U2SURP: variants seen among roughly 807,000 people sequenced by gnomAD.
The protein encoded by U2SURP is U2 snRNP-associated SURP motif-containing protein.
U2SURP carries 9 observed loss-of-function variants against 144.9 expected under a neutral mutation model. That is an observed-to-expected ratio of 0.06 (90% CI 0.04 to 0.11). The LOEUF is 0.11. Among genes scored for constraint, U2SURP ranks in the 10% least tolerant of loss-of-function variants. U2SURP has a pLI of 1.00. For synonymous variants in U2SURP, 408 were observed against 396.8 expected (o/e 1.03, Z -0.33); for missense variants, 724 against 1,226.7 (o/e 0.59, Z 6.12).
chr3:143,022,721 T>C (rs2108284673), intron 11 of U2SURP, 59 bp downstream of exon 11: 2 of 1,519,376 alleles, frequency 1.3e-6, no homozygotes, highest in Non-Finnish European at 1.8e-6. Flanking sequence ...TTTGGAAAAG[T>C]ATTTATAAAA....
At chr3:143,021,665 G>T in intron 10 of U2SURP, 110 bp downstream of exon 10, 1 of 1,088,570 alleles carries the variant, frequency 9.2e-7, no homozygotes, top group South Asian at 1.5e-5. Flanking sequence ...GATGGAATTG[G>T]ATAGTCTTTA....
chr3:143,057,239 A>G lies in U2SURP; in HGVS notation c.*789A>G, dbSNP rs983857897. 2.0e-5 allele frequency: 3 copies of G among 152,522 alleles called. No homozygotes were observed. The highest frequency in any genetic ancestry group is 3.9e-4 in the East Asian group (2 of 5,184). 9.4% of individuals were successfully genotyped at this position (152,522 alleles called of 1,614,324 possible). A position where few individuals can be genotyped will look rare whatever the true frequency, so the allele number is the denominator to read the frequency against. ...TAAATATCTTTTCATTTCCTCTTCTATTATGAAAGAAGTTTATTTGTAAAA... is the reference window on the plus strand; with the variant it reads ...TAAATATCTTTTCATTTCCTCTTCTGTTATGAAAGAAGTTTATTTGTAAAA... On this transcript the variant is annotated 3_prime_UTR_variant, in exon 28 of 28. Transcript: ENST00000473835.
intron 4 of U2SURP, among the ~76,000 whole-genome samples, chr3:143,015,319 A>AT (rs1022230741): frequency 1.3e-5 from 2 of 151,754 alleles, no homozygotes; most frequent in Admixed American, 6.6e-5. Context: ...ACAAGGTACA[A>AT]TTTTTTTTCT....
At chr3:143,008,760 G>GT (rs1018642186) in intron 1 of U2SURP, among the ~76,000 whole-genome samples, 3 of 152,078 alleles carry the variant, frequency 2.0e-5, no homozygotes, top group African/African-American at 4.8e-5. Context: ...AGGCAATTGA[G>GT]TTTTTTTTGT....
chr3:143,039,014 T>A, intron 23 of U2SURP, 54 bp downstream of exon 23: 1 of 1,202,952 alleles, frequency 8.3e-7, no homozygotes. Flanking sequence ...ACTCCCCTTT[T>A]CATTAAGAGA....
Position 143,038,218 on chromosome 3 carries a change from A to AAT in U2SURP, c.2317+17_2317+18dup. On this transcript the variant is annotated intron_variant, in intron 22 of 27. Coordinates refer to ENST00000473835, the MANE Select transcript of U2SURP (RefSeq NM_001080415.2). ...GGAAGCACAGGGTGAGTAAAAGTAA[A>AAT]ATAAATATTTTTTAAATTAAGTACT... 1 of 1,556,426 alleles carries AAT rather than the reference A, an allele frequency of 6.4e-7. No homozygotes were observed. Among genetic ancestry groups the AAT allele is most frequent in the Non-Finnish European group, 8.7e-7 (1 of 1,150,720 alleles).
intron 23 of U2SURP, among the ~76,000 whole-genome samples, chr3:143,039,559 A>T (rs1423651967): frequency 6.7e-6 from 1 of 150,278 alleles, no homozygotes; most frequent in Non-Finnish European, 1.5e-5. Flanking sequence ...GTTTTTAGGA[A>T]GTTCTTGACA....
Position 143,027,066 on chromosome 3 carries a change from A to G in U2SURP, c.1275-83A>G, listed in dbSNP as rs1032634036. The G allele has an allele frequency of 3.3e-5, 35 of 1,062,192 alleles. No homozygotes were observed. The South Asian group carries it at 4.8e-4, about 15-fold the overall frequency. 65.8% of individuals were successfully genotyped at this position (1,062,192 alleles called of 1,614,324 possible). A position where few individuals can be genotyped will look rare whatever the true frequency, so the allele number is the denominator to read the frequency against. The stretch of plus-strand genomic sequence containing the variant: ...AGTCAGCAGAATAATCATTTTCTGC[A>G]CAATTATAGTAACTTAGGTCAAGTG... On this transcript the variant is annotated intron_variant, in intron 13 of 27. Coordinates refer to ENST00000473835, the MANE Select transcript of U2SURP (RefSeq NM_001080415.2).
intron 20 of U2SURP, 39 bp from the exon 21 acceptor site, chr3:143,037,140 A>T (rs754866873): frequency 5.5e-5 from 87 of 1,584,602 alleles, no homozygotes; most frequent in Non-Finnish European, 6.0e-6. Flanking sequence ...TGACTTCAGC[A>T]AGCAAAGGAA....
chr3:143,044,356 A>G (rs1934300009), intron 24 of U2SURP, among the ~76,000 whole-genome samples: 2 of 130,404 alleles, frequency 1.5e-5, no homozygotes, highest in Non-Finnish European at 1.5e-5. Context: ...TGGTGTGACC[A>G]TAGCTCACTG....
Position 143,043,717 on chromosome 3 carries a change from G to GTATA in U2SURP, c.2544+457_2544+460dup, listed in dbSNP as rs5853088. On this transcript the variant is annotated intron_variant, in intron 24 of 27. Transcript: ENST00000473835. ...ATGGATTCTAATGTATAGATTATAT[G>GTATA]TATATATATATATATATATGTAATA... Among the ~76,000 whole-genome samples the GTATA allele has an allele frequency of 3.8e-3, 565 of 147,360 alleles. 5 individuals are homozygous for GTATA. The highest frequency in any genetic ancestry group is 0.013 in the African/African-American group (516 of 39,894).
chr3:143,012,189 T>A (rs1353649009), intron 2 of U2SURP, 33 bp from the exon 3 acceptor site: 2 of 1,601,604 alleles, frequency 1.2e-6, no homozygotes, highest in Non-Finnish European at 1.7e-6. Context: ...TATGTGTGGT[T>A]TGTTTTTTTC....
At chr3:143,019,909 T>C (rs1204561477) in intron 6 of U2SURP, 60 bp from the exon 7 acceptor site, 2 of 920,266 alleles carry the variant, frequency 2.2e-6, no homozygotes, top group African/African-American at 3.4e-5. Context: ...GCTCTTATTA[T>C]TGAATCATTG....
chr3:143,053,798 T>G lies in U2SURP; in HGVS notation c.2774+4T>G, dbSNP rs767223439. 7 of 1,574,054 alleles carry G rather than the reference T, an allele frequency of 4.4e-6. No individual in the cohort carries two copies. Among genetic ancestry groups the G allele is most frequent in the Admixed American group, 2.0e-5 (1 of 50,660 alleles). The stretch of plus-strand genomic sequence containing the variant: ...GTACTCCGACAAGGAAGGAAAGGTA[T>G]AACATTTCTCATATTTAATTGCATA... On this transcript the variant is annotated splice_donor_region_variant and intron_variant, in intron 26 of 27. Coordinates refer to ENST00000473835, the MANE Select transcript of U2SURP (RefSeq NM_001080415.2).
Position 143,038,191 on chromosome 3 carries a change from T to C in U2SURP, c.2305T>C (p.Leu769=), listed in dbSNP as rs376920494. Residue 769 remains leucine (L), a synonymous_variant, in exon 22 of 28, where the codon TTG becomes CTG. Coordinates refer to ENST00000473835, the MANE Select transcript of U2SURP (RefSeq NM_001080415.2). ...SKWEAVDESE[L]EAQAVTTSKW... ...ATGGGAAGCTGTGGATGAATCTGAA[T>C]TGGAAGCACAGGGTGAGTAAAAGTA... 45 of 1,604,888 alleles carry C rather than the reference T, an allele frequency of 2.8e-5. 1 individual carries two copies. The highest frequency in any genetic ancestry group is 1.7e-6 in the Non-Finnish European group (2 of 1,175,936).
chr3:143,012,192 T>G (rs1936149595), intron 2 of U2SURP, 30 bp from the exon 3 acceptor site: 1 of 1,601,990 alleles, frequency 6.2e-7, no homozygotes, highest in Admixed American at 1.7e-5. Context: ...GTGTGGTTTG[T>G]TTTTTTCTCT....
intron 1 of U2SURP, among the ~76,000 whole-genome samples, chr3:143,004,131 C>T (rs975296938): frequency 1.3e-5 from 2 of 152,080 alleles, no homozygotes; most frequent in Non-Finnish European, 2.9e-5. Context: ...AGATGAGTGG[C>T]TTATATTTTA....
Position 143,038,982 on chromosome 3 carries a change from A to G in U2SURP, c.2384+22A>G, listed in dbSNP as rs142021689. 4.3e-3 allele frequency: 6,187 copies of G among 1,453,534 alleles called. 23 individuals carry two copies. Among genetic ancestry groups the G allele is most frequent in the Non-Finnish European group, 5.0e-3 (5,439 of 1,080,734 alleles). 90.0% of individuals were successfully genotyped at this position (1,453,534 alleles called of 1,614,324 possible). On this transcript the variant is annotated intron_variant, in intron 23 of 27. Transcript: ENST00000473835. The stretch of plus-strand genomic sequence containing the variant: ...AAAAGTAAGAATCTAAGTTTTGAAT[A>G]TACTGTTTCTTGTTCATATACACTC...
intron 13 of U2SURP, among the ~76,000 whole-genome samples, chr3:143,025,572 C>T (rs137904735): frequency 3.4e-4 from 52 of 152,186 alleles, no homozygotes; most frequent in Admixed American, 7.2e-4. Context: ...TTTACATTAT[C>T]GCCCTTCCTT....
Sources: gnomAD v4.1 joint callset for allele counts (sites outside exome capture counted in the v4.1 genomes callset) on GRCh38, gnomAD v4.1.1 for gene constraint, MANE v1.5 for transcripts, NCBI Gene and HGNC (gene_info 2026-07-23, HGNC 2026-07-21) for gene names.